The following IGF2BP3 variants were observed in gnomAD, a reference collection of about 807,000 sequenced individuals.
The protein encoded by IGF2BP3 is insulin like growth factor 2 mRNA binding protein 3.
In IGF2BP3, 9 loss-of-function variants were observed where a neutral mutation model predicts 73.8. The observed-to-expected ratio is 0.12, with a 90% CI of 0.07 to 0.21. The LOEUF (loss-of-function observed/expected upper bound fraction) is 0.21, where lower values mean the gene tolerates loss of function less well. Among genes scored for constraint, IGF2BP3 ranks in the 10% least tolerant of loss-of-function variants. The pLI is 1.00. For missense variants in IGF2BP3, 542 were observed against 714.0 expected, an observed-to-expected ratio of 0.76 and a Z score of 2.75; for synonymous variants, 258 against 256.7, an observed-to-expected ratio of 1.01 and a Z score of -0.05.
rs375440684 is a variant in IGF2BP3, at chr7:23,387,187, A to T, written c.286-25446T>A. Reference sequence around the variant, plus strand: ...ATGTGCCCTTGATATAATGAGAATGACATTTTATCTGAAGTCTTCCTCCTA... The same window carrying T: ...ATGTGCCCTTGATATAATGAGAATGTCATTTTATCTGAAGTCTTCCTCCTA... On this transcript the variant is annotated intron_variant, in intron 3 of 14. Transcript: ENST00000258729. Among the ~76,000 whole-genome samples, 25 of 152,330 alleles carry T rather than the reference A, an allele frequency of 1.6e-4. 1 individual carries two copies. The highest frequency in any genetic ancestry group is 9.2e-4 in the Admixed American group (14 of 15,300).
At chr7:23,329,730 C>T (rs79314741) in intron 10 of IGF2BP3, among the ~76,000 whole-genome samples, 4,066 of 152,240 alleles carry the variant, frequency 0.027, 168 homozygotes, top group African/African-American at 0.087. Flanking sequence ...TATGCAGCAG[C>T]CATGTGGCAA....
In IGF2BP3 at chr7:23,361,605, A is replaced by C; in HGVS notation, c.338-8T>G. Reference sequence around the variant, plus strand: ...TTTCCGAGTCAGTGTTCACTAGAGGAAGAGAAAAACGAAGAGAATAAAAGT... The same window carrying C: ...TTTCCGAGTCAGTGTTCACTAGAGGCAGAGAAAAACGAAGAGAATAAAAGT... On this transcript the variant is annotated splice_polypyrimidine_tract_variant and splice_region_variant and intron_variant, in intron 4 of 14. Transcript: ENST00000258729. 6.2e-7 allele frequency: 1 copy of C among 1,613,626 alleles called. No individual in the cohort carries two copies. Among genetic ancestry groups the C allele is most frequent in the Non-Finnish European group, 8.5e-7 (1 of 1,179,710 alleles).
chr7:23,412,346 CT>C (rs1224433273), intron 3 of IGF2BP3, among the ~76,000 whole-genome samples: 1 of 152,174 alleles, frequency 6.6e-6, no homozygotes, highest in Non-Finnish European at 1.5e-5. Context: ...TCACTTAATA[CT>C]CATCTTCCCA....
intron 11 of IGF2BP3, among the ~76,000 whole-genome samples, 190 bp downstream of exon 11, chr7:23,318,948 C>T (rs547922940): frequency 4.6e-5 from 7 of 152,312 alleles, no homozygotes; most frequent in African/African-American, 1.7e-4. Context: ...TGTTCACCTC[C>T]TAACTGTGTT....
At chr7:23,349,417 T>C (rs77525004) in intron 6 of IGF2BP3, among the ~76,000 whole-genome samples, 4,227 of 152,268 alleles carry the variant, frequency 0.028, 187 homozygotes, top group African/African-American at 0.096. Context: ...AAAAAAATAG[T>C]GTCTTAGATA....
intron 2 of IGF2BP3, among the ~76,000 whole-genome samples, chr7:23,467,442 G>T (rs1054864519): frequency 2.0e-5 from 3 of 152,192 alleles, no homozygotes; most frequent in Non-Finnish European, 4.4e-5. Context: ...GGAGTTGGGG[G>T]GATGGGAGAG....
At chr7:23,416,978 C>G (rs781630267) in intron 3 of IGF2BP3, among the ~76,000 whole-genome samples, 2 of 152,148 alleles carry the variant, frequency 1.3e-5, no homozygotes, top group African/African-American at 2.4e-5. Flanking sequence ...ATCATTTGAA[C>G]CTGGGAGGCG....
intron 2 of IGF2BP3, among the ~76,000 whole-genome samples, chr7:23,448,912 A>T (rs1299531435): frequency 6.6e-6 from 1 of 152,034 alleles, no homozygotes; most frequent in Non-Finnish European, 1.5e-5. Flanking sequence ...AATTACAGGC[A>T]TGAGCCACTG....
chr7:23,388,943 C>T (rs918220136), intron 3 of IGF2BP3, among the ~76,000 whole-genome samples: 5 of 152,098 alleles, frequency 3.3e-5, no homozygotes, highest in African/African-American at 1.2e-4. Context: ...CAACAAACCA[C>T]TACTCAGCTA....
intron 8 of IGF2BP3, 143 bp from the exon 9 acceptor site, chr7:23,343,996 G>A: frequency 1.4e-6 from 1 of 734,472 alleles, no homozygotes. Flanking sequence ...TGGGAAATGA[G>A]TAAGCCCCAA....
At chr7:23,318,178 A>G (rs1784043598) in intron 11 of IGF2BP3, among the ~76,000 whole-genome samples, 1 of 151,918 alleles carries the variant, frequency 6.6e-6, no homozygotes, top group African/African-American at 2.4e-5. Context: ...TATGCAACAC[A>G]CTCTAGGAAT....
rs70966008 is a variant in IGF2BP3, at chr7:23,320,947, CAAAAAAAA to C, written c.1204-1701_1204-1694del. Among the ~76,000 whole-genome samples, 320 of 96,474 alleles carry C rather than the reference CAAAAAAAA, an allele frequency of 3.3e-3. 5 individuals carry two copies. In the East Asian group the frequency reaches 0.05, roughly 15 times the overall value. 63.3% of individuals were successfully genotyped at this position (96,474 alleles called of 152,430 possible). ...CCTGGGTGAGAGTGAAACTCTGTCT[CAAAAAAAA>C]AAAAAAAAAAAAAAGAAAAAACAAA... On this transcript the variant is annotated intron_variant, in intron 10 of 14. Coordinates refer to ENST00000258729, the MANE Select transcript of IGF2BP3 (RefSeq NM_006547.3).
At chr7:23,329,486 G>A (rs1784390040) in intron 10 of IGF2BP3, among the ~76,000 whole-genome samples, 1 of 152,154 alleles carries the variant, frequency 6.6e-6, no homozygotes, top group Non-Finnish European at 1.5e-5. Context: ...TAGAACTGCT[G>A]AGTCAAAAGG....
At chr7:23,366,988 C>CTTTTT (rs397942338) in intron 3 of IGF2BP3, among the ~76,000 whole-genome samples, 2 of 116,176 alleles carry the variant, frequency 1.7e-5, no homozygotes, top group African/African-American at 3.3e-5. Flanking sequence ...TCACATTTTG[C>CTTTTT]TTTTTTTTTT....
Position 23,343,801 on chromosome 7 carries a change from T to C in IGF2BP3, c.994A>G (p.Asn332Asp), listed in dbSNP as rs757153698. 1 of 1,613,074 alleles carries C rather than the reference T, an allele frequency of 6.2e-7. No homozygotes were observed. Among genetic ancestry groups the C allele is most frequent in the South Asian group, 1.1e-5 (1 of 91,076 alleles). ...NPERTITVKGNVETCAKAEEE... is the reference protein window; with the variant it reads ...NPERTITVKGDVETCAKAEEE... The stretch of plus-strand genomic sequence containing the variant: ...TCAGCTTTGGCACATGTCTCAACAT[T>C]GCCTTTAACTGTAATAGTGCGTTCT... Residue 332 changes from asparagine (N) to aspartate (D), a missense_variant, in exon 9 of 15, where the codon AAT becomes GAT. Transcript: ENST00000258729.
At chr7:23,430,583 A>G (rs1787649852) in intron 2 of IGF2BP3, among the ~76,000 whole-genome samples, 1 of 152,224 alleles carries the variant, frequency 6.6e-6, no homozygotes, top group African/African-American at 2.4e-5. Flanking sequence ...GGCTAATTTC[A>G]ATATGGCTAT....
chr7:23,365,176 T>C (rs1194222900), intron 3 of IGF2BP3, among the ~76,000 whole-genome samples: 3 of 151,424 alleles, frequency 2.0e-5, no homozygotes, highest in Non-Finnish European at 4.4e-5. Flanking sequence ...AAAATAAAAT[T>C]TAGTTTTTAA....
chr7:23,343,677 A>G (rs772451580), intron 9 of IGF2BP3, 41 bp downstream of exon 9: 1 of 1,547,832 alleles, frequency 6.5e-7, no homozygotes, highest in Non-Finnish European at 8.9e-7. Flanking sequence ...TGTTTTAACT[A>G]TTTGTTAAAA....
chr7:23,442,729 A>C (rs2128545584), intron 2 of IGF2BP3, among the ~76,000 whole-genome samples: 2 of 152,264 alleles, frequency 1.3e-5, no homozygotes, highest in South Asian at 4.1e-4. Context: ...AACAAGAAAT[A>C]ACATATTATA....
Sources: allele counts gnomAD v4.1 joint callset (sites outside exome capture counted in the v4.1 genomes callset), GRCh38; gene constraint gnomAD v4.1.1; transcripts MANE v1.5; gene names NCBI Gene and HGNC (gene_info 2026-07-23, HGNC 2026-07-21).